Variants in RALYL observed in about 807,000 individuals in gnomAD.
RALYL encodes RALY RNA binding protein like.
A neutral mutation model predicts 35.1 loss-of-function variants in RALYL; 29 were observed. That is an observed-to-expected ratio of 0.83 (90% CI 0.61 to 1.13). The LOEUF is 1.13. Among genes scored for constraint, RALYL ranks in the 50% most tolerant of loss-of-function variants. The pLI is 0.00. For synonymous variants in RALYL, 120 were observed against 127.6 expected, an observed-to-expected ratio of 0.94 and a Z score of 0.40; for missense variants, 359 against 360.4, an observed-to-expected ratio of 1.00 and a Z score of 0.03.
chr8:84,518,153 T>G (rs1378086604), intron 1 of RALYL, among the ~76,000 whole-genome samples: 2 of 152,208 alleles, frequency 1.3e-5, no homozygotes, highest in African/African-American at 4.8e-5. Flanking sequence ...TAAGACGTAG[T>G]GGTATAGTTA....
intron 1 of RALYL, among the ~76,000 whole-genome samples, chr8:84,390,920 G>A (rs1166672001): frequency 6.6e-6 from 1 of 151,982 alleles, no homozygotes; most frequent in Non-Finnish European, 1.5e-5. Context: ...GACTGAAGCA[G>A]TCATCTCAAT....
chr8:84,512,066 G>C (rs1230634929), intron 1 of RALYL, among the ~76,000 whole-genome samples: 1 of 152,070 alleles, frequency 6.6e-6, no homozygotes, highest in Admixed American at 6.6e-5. Context: ...CTACTAGTGA[G>C]ATCGCTGGAT....
At position 84,902,588 on chromosome 8, in the gene RALYL, C is replaced by T. The variant is rs192898708; in HGVS notation, c.858+14812C>T. Among the ~76,000 whole-genome samples, 135 of 152,242 alleles carry T rather than the reference C, an allele frequency of 8.9e-4. 1 individual carries two copies. The highest frequency in any genetic ancestry group is 3.1e-3 in the African/African-American group (129 of 41,548). Reference sequence around the variant, plus strand: ...GAGGAAGGACACAGATTCACCAGGCCTCCAAATAGACACTCTAAAAATGGG... The same window carrying T: ...GAGGAAGGACACAGATTCACCAGGCTTCCAAATAGACACTCTAAAAATGGG... On this transcript the variant is annotated intron_variant, in intron 8 of 8. Coordinates refer to ENST00000521268, the MANE Select transcript of RALYL (RefSeq NM_173848.7).
rs140986058 is a variant in RALYL, at chr8:84,426,607, C to T, written c.-23-102692C>T. Among the ~76,000 whole-genome samples the T allele has an allele frequency of 5.8e-4, 88 of 152,150 alleles. 2 individuals carry two copies. The East Asian group carries it at 0.017, about 29-fold the overall frequency. ...ACAAGATCTTGTCCTTTTTTAGTGG[C>T]AACTCAATTGTGGAAAAACAAATAA... On this transcript the variant is annotated intron_variant, in intron 1 of 8. Coordinates refer to ENST00000521268, the MANE Select transcript of RALYL (RefSeq NM_173848.7).
In RALYL at chr8:84,197,403, A is replaced by C. The variant is rs78772118; in HGVS notation, c.-24+12979A>C. ...CATGTTTACCCATTTTTAGGTCCTG[A>C]CTTTCATACAAAGAAGATAATCCTA... On this transcript the variant is annotated intron_variant, in intron 1 of 8. Transcript: ENST00000521268. Among the ~76,000 whole-genome samples the C allele has an allele frequency of 3.1e-3, 467 of 152,300 alleles. 8 individuals carry two copies. The highest frequency in any genetic ancestry group is 0.011 in the African/African-American group (448 of 41,574).
intron 1 of RALYL, among the ~76,000 whole-genome samples, chr8:84,390,338 A>G (rs1860354298): frequency 1.3e-5 from 2 of 152,112 alleles, no homozygotes; most frequent in Admixed American, 6.6e-5. Flanking sequence ...CTTTGGTATC[A>G]GGATGATGCT....
intron 1 of RALYL, among the ~76,000 whole-genome samples, chr8:84,332,540 C>G (rs1310516681): frequency 1.3e-5 from 2 of 152,026 alleles, no homozygotes; most frequent in Non-Finnish European, 1.5e-5. Flanking sequence ...GTCAATCTTA[C>G]AGAAAACGAG....
intron 8 of RALYL, among the ~76,000 whole-genome samples, chr8:84,913,631 C>T (rs1847942090): frequency 6.6e-6 from 1 of 151,874 alleles, no homozygotes; most frequent in Non-Finnish European, 1.5e-5. Context: ...ACCCAATTTC[C>T]AATTCCTTCT....
At chr8:84,510,065 A>G (rs2057483981) in intron 1 of RALYL, among the ~76,000 whole-genome samples, 1 of 152,292 alleles carries the variant, frequency 6.6e-6, no homozygotes, top group Non-Finnish European at 1.5e-5. Context: ...ATTTTTATTG[A>G]GATTGCATTG....
intron 6 of RALYL, among the ~76,000 whole-genome samples, chr8:84,871,933 T>G (rs901171257): frequency 6.7e-6 from 1 of 150,016 alleles, no homozygotes; most frequent in Non-Finnish European, 1.5e-5. Flanking sequence ...TTGCATTTTG[T>G]TTTTGTTTTT....
chr8:84,451,308 G>A (rs975118710), intron 1 of RALYL, among the ~76,000 whole-genome samples: 3 of 151,750 alleles, frequency 2.0e-5, no homozygotes, highest in Non-Finnish European at 2.9e-5. Flanking sequence ...CACTACTCTA[G>A]TGCAGTTAGT....
chr8:84,792,004 C>T (rs1356744211), intron 3 of RALYL, among the ~76,000 whole-genome samples: 2 of 152,180 alleles, frequency 1.3e-5, no homozygotes, highest in East Asian at 1.9e-4. Flanking sequence ...AGCATGCAAA[C>T]AGGCAGGTGC....
chr8:84,799,508 A>G (rs1024014611), intron 3 of RALYL, among the ~76,000 whole-genome samples: 1 of 152,220 alleles, frequency 6.6e-6, no homozygotes, highest in Admixed American at 6.5e-5. Flanking sequence ...ATTGAGAGGC[A>G]AGTACAGAAT....
chr8:84,716,824 A>C (rs1475122137), intron 2 of RALYL, among the ~76,000 whole-genome samples: 1 of 152,206 alleles, frequency 6.6e-6, no homozygotes, highest in Non-Finnish European at 1.5e-5. Flanking sequence ...AAATAAAAAC[A>C]AATCATTAAA....
In RALYL at chr8:84,599,070, T is replaced by C. The variant is rs1290311481; in HGVS notation, c.256+69493T>C. On this transcript the variant is annotated intron_variant, in intron 2 of 8. Coordinates refer to ENST00000521268, the MANE Select transcript of RALYL (RefSeq NM_173848.7). ...TGGTATGTCATTACAAAATATCTGA[T>C]TTTCAGTTTAGGGACACTGTAAAAC... is the stretch of plus-strand genomic sequence containing the variant. Among the ~76,000 whole-genome samples the C allele has an allele frequency of 2.0e-5, 3 of 152,136 alleles. No individual in the cohort carries two copies. In the South Asian group the frequency reaches 6.2e-4, roughly 31 times the overall value.
At chr8:84,324,594 T>G (rs865978424) in intron 1 of RALYL, among the ~76,000 whole-genome samples, 14 of 148,874 alleles carry the variant, frequency 9.4e-5, no homozygotes, top group East Asian at 1.9e-4. Context: ...AATAGTTGTG[T>G]TTTTTTTTGT....
At chr8:84,813,018 C>T (rs928410679) in intron 4 of RALYL, among the ~76,000 whole-genome samples, 2 of 152,188 alleles carry the variant, frequency 1.3e-5, no homozygotes, top group African/African-American at 4.8e-5. Context: ...TCTGGCCACC[C>T]TCCTGATGGA....
At chr8:84,724,271 A>T (rs1844534292) in intron 2 of RALYL, among the ~76,000 whole-genome samples, 1 of 151,806 alleles carries the variant, frequency 6.6e-6, no homozygotes, top group Non-Finnish European at 1.5e-5. Context: ...AAATTTAATC[A>T]GTAGTCTTCA....
chr8:84,897,364 A>C (rs1010209193), intron 8 of RALYL, among the ~76,000 whole-genome samples: 28 of 152,216 alleles, frequency 1.8e-4, no homozygotes, highest in African/African-American at 6.5e-4. Context: ...ATTTGTTAAA[A>C]AAGCACTTCT....
Sources: gnomAD v4.1 joint callset for allele counts (sites outside exome capture counted in the v4.1 genomes callset) on GRCh38, gnomAD v4.1.1 for gene constraint, MANE v1.5 for transcripts, NCBI Gene and HGNC (gene_info 2026-07-23, HGNC 2026-07-21) for gene names.